NAALADL2: variants seen among roughly 807,000 people sequenced by gnomAD.
NAALADL2 encodes the protein inactive N-acetylated-alpha-linked acidic dipeptidase-like protein 2.
NAALADL2 carries 76 observed loss-of-function variants against 87.2 expected under a neutral mutation model. The ratio of observed to expected loss-of-function variants is 0.87; its 90% CI spans 0.72 to 1.05. The LOEUF (loss-of-function observed/expected upper bound fraction) is 1.05. NAALADL2 is among the 50% of genes least tolerant of loss of function. The pLI, the probability that NAALADL2 is intolerant of heterozygous loss-of-function variation, is 0.00. For missense variants in NAALADL2, 1,089 were observed against 945.8 expected (o/e 1.15, Z -1.99); for synonymous variants, 354 against 331.0 (o/e 1.07, Z -0.75).
intron 5 of NAALADL2, among the ~76,000 whole-genome samples, chr3:175,357,109 C>T (rs1764466558): frequency 6.6e-6 from 1 of 152,084 alleles, no homozygotes; most frequent in South Asian, 2.1e-4. Flanking sequence ...ATCCTTTAAA[C>T]ATTTTTATAT....
At chr3:174,994,536 TA>T (rs1261185379) in intron 1 of NAALADL2, among the ~76,000 whole-genome samples, 2 of 152,212 alleles carry the variant, frequency 1.3e-5, no homozygotes, top group African/African-American at 4.8e-5. Flanking sequence ...TCCCACCACT[TA>T]AATTTCCAAA....
chr3:174,783,120 A>G (rs1716195885), intron 3 of NAALADL2, among the ~76,000 whole-genome samples: 1 of 152,196 alleles, frequency 6.6e-6, no homozygotes, highest in Non-Finnish European at 1.5e-5. Context: ...TCTATTGGAG[A>G]TAACATTTCA....
chr3:175,382,747 A>C (rs925161539), intron 5 of NAALADL2, among the ~76,000 whole-genome samples: 3 of 151,652 alleles, frequency 2.0e-5, no homozygotes, highest in African/African-American at 4.8e-5. Flanking sequence ...TGTCCTTTGT[A>C]TTATAGCCCT....
intron 1 of NAALADL2, among the ~76,000 whole-genome samples, chr3:174,987,238 A>C (rs1745996562): frequency 6.6e-6 from 1 of 152,210 alleles, no homozygotes; most frequent in Non-Finnish European, 1.5e-5. Flanking sequence ...CTGCACTTTT[A>C]GAATTCTTGT....
At chr3:174,715,825 A>T (rs548958589) in intron 2 of NAALADL2, among the ~76,000 whole-genome samples, 1 of 152,204 alleles carries the variant, frequency 6.6e-6, no homozygotes, top group South Asian at 2.1e-4. Flanking sequence ...TGTGTTGTGG[A>T]TAAAACTTTT....
intron 2 of NAALADL2, among the ~76,000 whole-genome samples, chr3:175,109,072 C>T (rs945280475): frequency 6.6e-6 from 1 of 151,554 alleles, no homozygotes; most frequent in African/African-American, 2.4e-5. Flanking sequence ...GATCTGTTTT[C>T]GATTGTTTAA....
chr3:174,717,315 A>G (rs1248820232), intron 2 of NAALADL2, among the ~76,000 whole-genome samples: 1 of 152,136 alleles, frequency 6.6e-6, no homozygotes. Context: ...TAATTCAGGA[A>G]GGTTGATATT....
At chr3:175,728,269 A>G (rs762326041) in intron 11 of NAALADL2, among the ~76,000 whole-genome samples, 1 of 152,154 alleles carries the variant, frequency 6.6e-6, no homozygotes, top group Non-Finnish European at 1.5e-5. Context: ...AGATATTTAA[A>G]ACAATTAGGG....
chr3:174,652,625 G>A (rs1363436143), intron 2 of NAALADL2, among the ~76,000 whole-genome samples: 1 of 152,114 alleles, frequency 6.6e-6, no homozygotes. Context: ...CCATGATTCA[G>A]TTACCTCCCA....
In NAALADL2 at chr3:175,324,260, A is replaced by G. The variant is rs202214379; in HGVS notation, c.1025A>G (p.His342Arg). 2 of 1,613,766 alleles carry G rather than the reference A, an allele frequency of 1.2e-6. No homozygotes were observed. The highest frequency in any genetic ancestry group is 8.5e-7 in the Non-Finnish European group (1 of 1,179,768). ...TTGCCAAAGACTGTGAATCCTAGCC[A>G]TGATACCTTCATGGTGTCACTGAAT... ...CDLPKTVNPS[H>R]DTFMVSLNPG... Residue 342 changes from histidine to arginine, a missense_variant, in exon 5 of 14, where the codon CAT (histidine) becomes CGT (arginine). Coordinates refer to ENST00000454872, the MANE Select transcript of NAALADL2 (RefSeq NM_207015.3).
chr3:175,609,448 T>C (rs1724279471), intron 10 of NAALADL2: 1 of 152,164 alleles, frequency 6.6e-6, no homozygotes. Context: ...ATATGGAATA[T>C]GTTTCTTTCC....
At chr3:174,844,226 A>G (rs149756912) in intron 3 of NAALADL2, among the ~76,000 whole-genome samples, 1 of 152,282 alleles carries the variant, frequency 6.6e-6, no homozygotes, top group African/African-American at 2.4e-5. Flanking sequence ...GTCATATTCT[A>G]GCACCATTTA....
At chr3:174,947,220 C>T (rs1033963916) in intron 1 of NAALADL2, among the ~76,000 whole-genome samples, 16 of 152,138 alleles carry the variant, frequency 1.1e-4, no homozygotes, top group Admixed American at 2.0e-4. Context: ...TTAAAAGCAA[C>T]TCTCAGCATT....
intron 5 of NAALADL2, among the ~76,000 whole-genome samples, chr3:175,383,058 A>G (rs2148992071): frequency 6.6e-6 from 1 of 152,224 alleles, no homozygotes; most frequent in East Asian, 1.9e-4. Flanking sequence ...AATTATGGAT[A>G]CATAATCACT....
At chr3:174,779,219 C>G (rs578138612) in intron 3 of NAALADL2, among the ~76,000 whole-genome samples, 1 of 152,182 alleles carries the variant, frequency 6.6e-6, no homozygotes, top group African/African-American at 2.4e-5. Context: ...TTGCATTTCT[C>G]TAATGACCAG....
At chr3:174,916,493 T>C (rs1460101928) in intron 1 of NAALADL2, among the ~76,000 whole-genome samples, 1 of 152,002 alleles carries the variant, frequency 6.6e-6, no homozygotes, top group African/African-American at 2.4e-5. Flanking sequence ...TGAGTGGATA[T>C]GGAAAATGTA....
intron 1 of NAALADL2, among the ~76,000 whole-genome samples, chr3:174,874,890 A>G (rs953433544): frequency 6.6e-6 from 1 of 151,896 alleles, no homozygotes; most frequent in Non-Finnish European, 1.5e-5. Context: ...GTGAGGAAGA[A>G]GGATCCCTTG....
At chr3:175,203,010 G>T (rs2109172260) in intron 2 of NAALADL2, among the ~76,000 whole-genome samples, 1 of 152,132 alleles carries the variant, frequency 6.6e-6, no homozygotes, top group Non-Finnish European at 1.5e-5. Context: ...TCTGTTTCCA[G>T]GTGGTGGACG....
intron 1 of NAALADL2, among the ~76,000 whole-genome samples, chr3:174,495,511 A>G (rs1718475570): frequency 6.6e-6 from 1 of 152,158 alleles, no homozygotes; most frequent in Non-Finnish European, 1.5e-5. Flanking sequence ...GTGGCAGACT[A>G]CTTTTGGTTT....
Sources: gnomAD v4.1 joint callset for allele counts (sites outside exome capture counted in the v4.1 genomes callset) on GRCh38, gnomAD v4.1.1 for gene constraint, MANE v1.5 for transcripts, NCBI Gene and HGNC (gene_info 2026-07-23, HGNC 2026-07-21) for gene names.